The following DNAH11 variants were observed in gnomAD, a reference collection of about 807,000 sequenced individuals.
The protein encoded by DNAH11 is axonemal beta dynein heavy chain 11.
A neutral mutation model predicts 526.0 loss-of-function variants in DNAH11; 442 were observed. That is an observed-to-expected ratio of 0.84 (90% CI 0.78 to 0.91). The LOEUF (loss-of-function observed/expected upper bound fraction) is 0.91, where lower values mean the gene tolerates loss of function less well. DNAH11 is among the 40% of genes least tolerant of loss of function. The probability of loss-of-function intolerance (pLI) is 0.00; values close to 1 mark genes in which losing one functional copy is unlikely to be tolerated. For synonymous variants in DNAH11, 2,461 were observed against 1,935.9 expected, an observed-to-expected ratio of 1.27 and a Z score of -7.12; for missense variants, 6,989 against 5,448.7, an observed-to-expected ratio of 1.28 and a Z score of -8.90.
intron 5 of DNAH11, among the ~76,000 whole-genome samples, chr7:21,561,746 A>G (rs540336709): frequency 5.3e-5 from 8 of 152,306 alleles, no homozygotes; most frequent in African/African-American, 1.9e-4. Flanking sequence ...GCCCCACCCA[A>G]AGATGACAAC....
At chr7:21,807,772 T>C in intron 62 of DNAH11, 111 bp from the exon 63 acceptor site, 2 of 975,382 alleles carry the variant, frequency 2.1e-6, no homozygotes, top group Admixed American at 2.4e-5. Context: ...CTGTTCCTTA[T>C]AGTGACTGTG....
At chr7:21,680,748 G>A (rs1020379699) in intron 30 of DNAH11, among the ~76,000 whole-genome samples, 2 of 152,230 alleles carry the variant, frequency 1.3e-5, no homozygotes, top group African/African-American at 4.8e-5. Flanking sequence ...TAAGAATAAA[G>A]GAGGATATTC....
chr7:21,890,568 T>G (rs1188120041), intron 76 of DNAH11, among the ~76,000 whole-genome samples: 1 of 152,220 alleles, frequency 6.6e-6, no homozygotes, highest in East Asian at 1.9e-4. Context: ...GACCAACTAC[T>G]TGTTTTAGGG....
chr7:21,545,019 C>A lies in DNAH11; in HGVS notation c.365C>A (p.Ala122Glu), dbSNP rs554921235. Reference sequence around the variant, plus strand: ...CTCTTGTTTTAGATTCCAAGAGATGCAAACCATAAACTTGTTTTTATTTCC... The same window carrying A: ...CTCTTGTTTTAGATTCCAAGAGATGAAAACCATAAACTTGTTTTTATTTCC... ...LAASQEIPRD[A>E]NHKLVFISKK... Residue 122 changes from alanine to glutamate, a missense_variant, in exon 2 of 82, where the codon GCA becomes GAA. By Grantham distance (107) the Ala-to-Glu change is moderately radical. Transcript: ENST00000409508. The A allele has an allele frequency of 3.2e-6, 5 of 1,586,330 alleles. No homozygotes were observed. The highest frequency in any genetic ancestry group is 1.3e-5 in the African/African-American group (1 of 74,232).
At chr7:21,862,790 G>A (rs187468303) in intron 69 of DNAH11, among the ~76,000 whole-genome samples, 123 of 152,148 alleles carry the variant, frequency 8.1e-4, no homozygotes, top group African/African-American at 2.7e-3. Flanking sequence ...AAATAAAAGC[G>A]TTCATGGCCG....
At chr7:21,770,806 G>GC (rs1787406070) in intron 55 of DNAH11, among the ~76,000 whole-genome samples, 1 of 152,146 alleles carries the variant, frequency 6.6e-6, no homozygotes, top group African/African-American at 2.4e-5. Flanking sequence ...TGGAAATCTA[G>GC]CCCAGGTCCT....
intron 44 of DNAH11, 64 bp from the exon 45 acceptor site, chr7:21,725,747 G>C (rs1418866272): frequency 6.7e-6 from 10 of 1,492,316 alleles, no homozygotes; most frequent in African/African-American, 1.4e-5. Flanking sequence ...CTCATAATTT[G>C]TTTCTTTTTT....
intron 76 of DNAH11, among the ~76,000 whole-genome samples, chr7:21,890,953 T>G (rs55654636): frequency 0.72 from 108,778 of 152,074 alleles, 41,210 homozygotes; most frequent in Non-Finnish European, 0.84. Context: ...TGTCGAATGT[T>G]TTAAATGCAC....
intron 69 of DNAH11, among the ~76,000 whole-genome samples, chr7:21,863,385 T>C (rs1280446311): frequency 6.6e-6 from 1 of 152,212 alleles, no homozygotes; most frequent in African/African-American, 2.4e-5. Context: ...TGGGGTGCGG[T>C]GGTGCTATCT....
At chr7:21,628,918 C>G (rs181660536) in intron 25 of DNAH11, among the ~76,000 whole-genome samples, 1 of 152,000 alleles carries the variant, frequency 6.6e-6, no homozygotes, top group Non-Finnish European at 1.5e-5. Context: ...CAGCTCTCAT[C>G]CTTGTTATTC....
In DNAH11 at chr7:21,710,635, A is replaced by T; in HGVS notation, c.6766A>T (p.Ile2256Leu). The T allele has an allele frequency of 6.2e-7, 1 of 1,613,420 alleles. No homozygotes were observed. Among genetic ancestry groups the T allele is most frequent in the South Asian group, 1.1e-5 (1 of 91,018 alleles). The change falls in exon 41 of 82, where the codon ATA becomes TTA. Residue 2256 changes from isoleucine to leucine, a missense_variant. Transcript: ENST00000409508. ...ANLKHDGPKW[I>L]VLDGDIDPMW... ...TCTTAAGCATGATGGACCAAAATGG[A>T]TAGTCCTGGATGGCGATATTGACCC... is the stretch of plus-strand genomic sequence containing the variant.
intron 26 of DNAH11, 78 bp from the exon 27 acceptor site, chr7:21,637,533 T>G (rs1405220787): frequency 5.0e-6 from 5 of 1,001,580 alleles, no homozygotes; most frequent in Non-Finnish European, 7.7e-6. Flanking sequence ...GTTCTTCATT[T>G]TTTTAATTCT....
At chr7:21,852,946 C>A (rs1230149033) in intron 67 of DNAH11, among the ~76,000 whole-genome samples, 1 of 152,174 alleles carries the variant, frequency 6.6e-6, no homozygotes, top group Non-Finnish European at 1.5e-5. Flanking sequence ...AAAGCCTTAG[C>A]ATCCGGCTCT....
At chr7:21,642,395 A>G (rs567030237) in intron 28 of DNAH11, among the ~76,000 whole-genome samples, 1 of 152,146 alleles carries the variant, frequency 6.6e-6, no homozygotes, top group Non-Finnish European at 1.5e-5. Flanking sequence ...CAAATTCAAC[A>G]TGCATTCTGA....
chr7:21,653,888 A>T (rs530530610), intron 28 of DNAH11, among the ~76,000 whole-genome samples: 1 of 152,192 alleles, frequency 6.6e-6, no homozygotes, highest in African/African-American at 2.4e-5. Context: ...GTTCCTTGCC[A>T]ATATTGGTGT....
intron 30 of DNAH11, among the ~76,000 whole-genome samples, chr7:21,665,750 T>C (rs1191581911): frequency 6.6e-6 from 1 of 152,146 alleles, no homozygotes; most frequent in Non-Finnish European, 1.5e-5. Flanking sequence ...CACATAATTA[T>C]AAAACACTTC....
intron 27 of DNAH11, among the ~76,000 whole-genome samples, chr7:21,638,463 G>A (rs1321250527): frequency 6.6e-6 from 1 of 152,126 alleles, no homozygotes; most frequent in African/African-American, 2.4e-5. Context: ...ACCAATTCTG[G>A]ATCTTATGAC....
intron 68 of DNAH11, among the ~76,000 whole-genome samples, chr7:21,856,980 G>A (rs770284956): frequency 2.6e-5 from 4 of 152,068 alleles, no homozygotes; most frequent in Non-Finnish European, 2.9e-5. Flanking sequence ...AGTTATAGTC[G>A]GTACAGTAAG....
rs115249668 is a variant in DNAH11 at position 21,610,785 on chromosome 7, T to G, written c.3852+4052T>G. Among the ~76,000 whole-genome samples, 1,217 of 152,124 alleles carry G rather than the reference T, an allele frequency of 8.0e-3. 16 individuals are homozygous for G. The highest frequency in any genetic ancestry group is 0.028 in the African/African-American group (1,161 of 41,492). The stretch of plus-strand genomic sequence containing the variant: ...GAAAGAGAATTAGTGAAATACAAAT[T>G]ACATTGGAGGAAATCACTTAGAACG... On this transcript the variant is annotated intron_variant, in intron 20 of 81. Coordinates refer to ENST00000409508, the MANE Select transcript of DNAH11 (RefSeq NM_001277115.2).
Sources: gnomAD v4.1 joint callset for allele counts (sites outside exome capture counted in the v4.1 genomes callset) on GRCh38, gnomAD v4.1.1 for gene constraint, MANE v1.5 for transcripts, NCBI Gene and HGNC (gene_info 2026-07-23, HGNC 2026-07-21) for gene names.